The following PWWP2A variants were observed in gnomAD, a reference collection of about 807,000 sequenced individuals.
PWWP2A encodes the protein PWWP domain-containing protein 2A.
PWWP2A carries 18 observed loss-of-function variants against 48.5 expected under a neutral mutation model. The ratio of observed to expected loss-of-function variants is 0.37; its 90% CI spans 0.26 to 0.55. PWWP2A has a LOEUF of 0.55. Ranked by LOEUF, PWWP2A falls within the 20% of genes least tolerant of loss-of-function variation. The pLI, the probability that PWWP2A is intolerant of heterozygous loss-of-function variation, is 0.81. For missense variants in PWWP2A, 867 were observed against 976.4 expected, an observed-to-expected ratio of 0.89 and a Z score of 1.49; for synonymous variants, 396 against 387.7, an observed-to-expected ratio of 1.02 and a Z score of -0.25.
chr5:160,108,278 G>A (rs1348959320), intron 1 of PWWP2A, among the ~76,000 whole-genome samples: 1 of 152,090 alleles, frequency 6.6e-6, no homozygotes, highest in Non-Finnish European at 1.5e-5. Flanking sequence ...TCATATTAAT[G>A]CAACATGCAA....
At position 160,092,586 on chromosome 5, in the gene PWWP2A, T is replaced by G; in HGVS notation, c.2064A>C (p.Arg688=). The G allele has an allele frequency of 6.4e-7, 1 of 1,551,688 alleles. No individual in the cohort carries two copies. Among genetic ancestry groups the G allele is most frequent in the Non-Finnish European group, 8.7e-7 (1 of 1,146,982 alleles). The stretch of plus-strand genomic sequence containing the variant: ...CAAACCATGAAATACGGGCCTCCTG[T>G]CGGACTAAAAGGCCGTTATCTTTCC... ...VSRKDNGLLV[R]QEARISWFGS... The change falls in exon 2 of 2, where the codon CGA becomes CGC. Residue 688 remains arginine, a synonymous_variant. Transcript: ENST00000307063.
Position 160,100,020 on chromosome 5 carries a change from G to T in PWWP2A, c.585-5955C>A, listed in dbSNP as rs901852819. ...TAGGGTTTAACAGTTACTTTGTGTT[G>T]CTGGGCACAGTGGCTCACGCCTGTA... On this transcript the variant is annotated intron_variant, in intron 1 of 1. Transcript: ENST00000307063. 5.9e-5 allele frequency among the ~76,000 whole-genome samples: 9 copies of T among 152,018 alleles called. No homozygotes were observed. In the South Asian group the frequency reaches 6.2e-4, roughly 11 times the overall value.
intron 1 of PWWP2A, among the ~76,000 whole-genome samples, chr5:160,111,323 A>G (rs1291666119): frequency 6.6e-6 from 1 of 152,074 alleles, no homozygotes; most frequent in East Asian, 1.9e-4. Flanking sequence ...ACATGCCACT[A>G]CGCCCGGCTA....
intron 1 of PWWP2A, among the ~76,000 whole-genome samples, chr5:160,109,802 TATATATAA>T (rs1757347558): frequency 2.5e-5 from 3 of 122,324 alleles, no homozygotes; most frequent in African/African-American, 6.1e-5. Flanking sequence ...TATATATATA[TATATATAA>T]AATAATATAA....
intron 1 of PWWP2A, among the ~76,000 whole-genome samples, chr5:160,109,922 T>G (rs1481590069): frequency 2.7e-5 from 4 of 146,780 alleles, no homozygotes; most frequent in Non-Finnish European, 6.0e-5. Flanking sequence ...GAACTACAGA[T>G]GAAAAGGACA....
At chr5:160,071,343 G>A (rs1014127277), downstream of PWWP2A, among the ~76,000 whole-genome samples, 22 of 152,242 alleles carry the variant, frequency 1.4e-4, no homozygotes, top group African/African-American at 5.1e-4. Context: ...CTTTTTAGAG[G>A]CATTTTACTG....
At chr5:160,090,101 A>G (rs1754945556), downstream of PWWP2A, 1 of 985,186 alleles carries the variant, frequency 1.0e-6, no homozygotes, top group African/African-American at 1.7e-5. Context: ...ATCATTTGTG[A>G]TATGCTCAAC....
chr5:160,092,005 CATACA>C lies in PWWP2A; in HGVS notation c.*372_*376del. The C allele has an allele frequency of 3.4e-6, 1 of 290,610 alleles. No homozygotes were observed. Among genetic ancestry groups the C allele is most frequent in the Non-Finnish European group, 4.1e-6 (1 of 245,972 alleles). The allele number at this position is 290,610 out of a possible 1,614,324, so 18.0% of individuals were successfully genotyped here. On this transcript the variant is annotated 3_prime_UTR_variant, in exon 2 of 2. Transcript: ENST00000307063. ...ATACATATATATGTGTGTATATATACATACACGGATATATATATATACACACACAC... is the reference window on the plus strand; with the variant it reads ...ATACATATATATGTGTGTATATATACCGGATATATATATATACACACACAC...
chr5:160,100,350 G>A (rs542160957), intron 1 of PWWP2A, among the ~76,000 whole-genome samples: 16 of 152,214 alleles, frequency 1.1e-4, no homozygotes, highest in South Asian at 1.0e-3. Context: ...TTAGCTAGGC[G>A]TGGTGGCACA....
the PWWP2A span, chr5:160,051,083 T>C: frequency 3.2e-5 from 1 of 31,608 alleles, no homozygotes; most frequent in Admixed American, 9.6e-4. Flanking sequence ...AAGGTTTTGG[T>C]TTTTTTTTTT....
chr5:160,072,741 A>G (rs1753768209), downstream of PWWP2A, among the ~76,000 whole-genome samples: 1 of 151,650 alleles, frequency 6.6e-6, no homozygotes. Flanking sequence ...AAATAAATAA[A>G]TAAATAATAA....
At chr5:160,094,245 T>G (rs572024938) in intron 1 of PWWP2A, among the ~76,000 whole-genome samples, 180 bp from the exon 2 acceptor site, 1 of 152,352 alleles carries the variant, frequency 6.6e-6, no homozygotes, top group South Asian at 2.1e-4. Context: ...GACCTTCATT[T>G]CTTTAGGTTC....
intron 1 of PWWP2A, among the ~76,000 whole-genome samples, chr5:160,106,753 G>A (rs1756937116): frequency 6.7e-6 from 1 of 150,260 alleles, no homozygotes; most frequent in African/African-American, 2.5e-5. Flanking sequence ...AGCCACCCGA[G>A]TTGCCCATCC....
downstream of PWWP2A, among the ~76,000 whole-genome samples, chr5:160,072,936 G>A (rs747076127): frequency 3.4e-5 from 5 of 147,752 alleles, no homozygotes; most frequent in Non-Finnish European, 7.4e-5. Context: ...CCTGGGAGGC[G>A]GAAGTTGCAG....
chr5:160,063,111 G>A (rs948125944), intron 5 of PWWP2A, among the ~76,000 whole-genome samples: 1 of 152,184 alleles, frequency 6.6e-6, no homozygotes. Context: ...TCAATTTACT[G>A]TTTTATCCAA....
chr5:160,105,012 C>T (rs1212063590), intron 1 of PWWP2A, among the ~76,000 whole-genome samples: 7 of 152,050 alleles, frequency 4.6e-5, no homozygotes, highest in Non-Finnish European at 8.8e-5. Context: ...GAGGCCAAAG[C>T]AGGAGTATCG....
chr5:160,115,381 C>A (rs1352318720), intron 1 of PWWP2A, among the ~76,000 whole-genome samples: 4 of 151,848 alleles, frequency 2.6e-5, no homozygotes, highest in African/African-American at 9.7e-5. Context: ...CACAGTGAGA[C>A]CCTCATCTCT....
At chr5:160,094,901 C>T (rs540922001) in intron 1 of PWWP2A, among the ~76,000 whole-genome samples, 2 of 151,064 alleles carry the variant, frequency 1.3e-5, no homozygotes, top group East Asian at 1.9e-4. Flanking sequence ...CAAAAAGATT[C>T]GCCGGGCATG....
At chr5:160,115,724 C>T (rs1375307681) in intron 1 of PWWP2A, among the ~76,000 whole-genome samples, 1 of 151,428 alleles carries the variant, frequency 6.6e-6, no homozygotes, top group Non-Finnish European at 1.5e-5. Context: ...ATTAGCCAGG[C>T]GTGGTGGTAT....
Sources: gnomAD v4.1 joint callset for allele counts (sites outside exome capture counted in the v4.1 genomes callset) on GRCh38, gnomAD v4.1.1 for gene constraint, MANE v1.5 for transcripts, NCBI Gene and HGNC (gene_info 2026-07-23, HGNC 2026-07-21) for gene names.